THRB: variants seen among roughly 807,000 people sequenced by gnomAD.
THRB encodes thyroid hormone receptor beta, also known as nuclear receptor subfamily 1 group A member 2.
Under a neutral mutation model 47.8 loss-of-function variants are expected in THRB, and 12 were observed. That is an observed-to-expected ratio of 0.25 (90% CI 0.16 to 0.41). The LOEUF is 0.41. Among genes scored for constraint, THRB ranks in the 10% least tolerant of loss-of-function variants. THRB has a pLI of 1.00. For synonymous variants in THRB, 218 were observed against 212.2 expected, an observed-to-expected ratio of 1.03 and a Z score of -0.24; for missense variants, 348 against 589.2, an observed-to-expected ratio of 0.59 and a Z score of 4.24.
intron 1 of THRB, among the ~76,000 whole-genome samples, chr3:24,437,830 C>T (rs2071122137): frequency 6.6e-6 from 1 of 151,820 alleles, no homozygotes; most frequent in Admixed American, 6.6e-5. Context: ...AATGGGTTTT[C>T]CCTTCTCTGA....
intron 3 of THRB, among the ~76,000 whole-genome samples, chr3:24,262,545 T>C (rs6785615): frequency 0.1 from 15,934 of 152,230 alleles, 1,964 homozygotes; most frequent in African/African-American, 0.29. Flanking sequence ...GCTGAACTCC[T>C]TCTGTTCCTC....
rs1432456925 is a variant in THRB at position 24,321,783 on chromosome 3, C to T, written c.-189+15517G>A. 2.6e-5 allele frequency among the ~76,000 whole-genome samples: 4 copies of T among 152,242 alleles called. No homozygotes were observed. The East Asian group carries it at 7.7e-4, about 29-fold the overall frequency. ...TCACTAACCACACATAGCTGCTAGG[C>T]ACTTCATACTTGCCTAGTTCAAATG... On this transcript the variant is annotated intron_variant, in intron 2 of 10. Coordinates refer to ENST00000646209, the MANE Select transcript of THRB (RefSeq NM_001354712.2).
chr3:24,185,454 TC>T (rs1175254583), intron 5 of THRB, among the ~76,000 whole-genome samples: 5 of 152,014 alleles, frequency 3.3e-5, no homozygotes, highest in African/African-American at 1.2e-4. Context: ...AAATTTTTTT[TC>T]TACCATGAAC....
chr3:24,146,244 G>T (rs1211427595), intron 7 of THRB, among the ~76,000 whole-genome samples: 1 of 152,150 alleles, frequency 6.6e-6, no homozygotes, highest in Admixed American at 6.5e-5. Context: ...TCCTGTCTTT[G>T]CTCTTGAAAA....
intron 5 of THRB, among the ~76,000 whole-genome samples, chr3:24,155,508 G>A (rs2037683469): frequency 6.6e-6 from 1 of 152,154 alleles, no homozygotes; most frequent in Non-Finnish European, 1.5e-5. Context: ...TTCCATCAGG[G>A]AATAATGTCC....
chr3:24,433,297 T>G (rs2070632569), intron 1 of THRB, among the ~76,000 whole-genome samples: 1 of 152,170 alleles, frequency 6.6e-6, no homozygotes, highest in Non-Finnish European at 1.5e-5. Flanking sequence ...ATGAGAAGAT[T>G]ATGCTGGATT....
chr3:24,250,398 T>C (rs78444847), intron 3 of THRB, among the ~76,000 whole-genome samples: 25,253 of 151,954 alleles, frequency 0.17, 5,688 homozygotes, highest in African/African-American at 0.51. Flanking sequence ...AGTAACATAG[T>C]ACTGAAATGT....
intron 1 of THRB, among the ~76,000 whole-genome samples, chr3:24,431,974 C>T (rs1273876157): frequency 1.3e-5 from 2 of 151,996 alleles, no homozygotes; most frequent in Non-Finnish European, 2.9e-5. Context: ...GATATACGCA[C>T]ATATGTAGTA....
At chr3:24,146,587 CCTT>C (rs920468719) in intron 7 of THRB, 85 bp downstream of exon 7, 27 of 1,394,562 alleles carry the variant, frequency 1.9e-5, no homozygotes, top group Non-Finnish European at 2.6e-5. Flanking sequence ...TGGGTTCCTG[CCTT>C]CTTTTCTGCC....
At chr3:24,461,231 G>A (rs2073672337) in intron 1 of THRB, among the ~76,000 whole-genome samples, 1 of 152,198 alleles carries the variant, frequency 6.6e-6, no homozygotes, top group African/African-American at 2.4e-5. Context: ...CAAGTCTGTA[G>A]TTTGCCATTT....
intron 6 of THRB, 38 bp downstream of exon 6, chr3:24,152,352 T>C: frequency 1.8e-6 from 2 of 1,123,480 alleles, no homozygotes; most frequent in Non-Finnish European, 1.4e-6. Flanking sequence ...GGACTGGAGC[T>C]GGGCTAAGCT....
At chr3:24,267,354 G>A (rs1218108922) in intron 3 of THRB, among the ~76,000 whole-genome samples, 9 of 150,152 alleles carry the variant, frequency 6.0e-5, no homozygotes, top group African/African-American at 2.2e-4. Context: ...AAGGTATAAT[G>A]TTAGAAACTT....
intron 5 of THRB, among the ~76,000 whole-genome samples, chr3:24,159,486 A>AT (rs2149211686): frequency 6.6e-6 from 1 of 152,370 alleles, no homozygotes; most frequent in South Asian, 2.1e-4. Context: ...ATATATGGTT[A>AT]TGTAGGTTCA....
At chr3:24,386,447 G>T (rs1282929012) in intron 1 of THRB, among the ~76,000 whole-genome samples, 1 of 151,922 alleles carries the variant, frequency 6.6e-6, no homozygotes, top group East Asian at 1.9e-4. Context: ...ACCTTCTATG[G>T]CTCCCCATTT....
intron 1 of THRB, among the ~76,000 whole-genome samples, chr3:24,380,685 C>T (rs1015554744): frequency 1.3e-5 from 2 of 152,130 alleles, no homozygotes; most frequent in African/African-American, 4.8e-5. Context: ...AAGAACTGTA[C>T]AGTACACAAA....
At chr3:24,281,273 G>A (rs2054569074) in intron 3 of THRB, among the ~76,000 whole-genome samples, 2 of 151,792 alleles carry the variant, frequency 1.3e-5, no homozygotes, top group African/African-American at 2.4e-5. Flanking sequence ...AGAGAGTGGG[G>A]GCCAATATTC....
chr3:24,365,666 T>G (rs945027067), intron 1 of THRB, among the ~76,000 whole-genome samples: 1 of 152,186 alleles, frequency 6.6e-6, no homozygotes, highest in Non-Finnish European at 1.5e-5. Context: ...TAATTTGATT[T>G]TCTTAGAAAC....
intron 7 of THRB, 99 bp downstream of exon 7, chr3:24,146,576 T>G: frequency 7.8e-7 from 1 of 1,279,368 alleles, no homozygotes; most frequent in South Asian, 1.2e-5. Context: ...CTCTGTCTTC[T>G]TGGGTTCCTG....
At chr3:24,194,194 AC>A (rs1343299275) in intron 4 of THRB, among the ~76,000 whole-genome samples, 1 of 152,226 alleles carries the variant, frequency 6.6e-6, no homozygotes, top group African/African-American at 2.4e-5. Flanking sequence ...TGGTGGGTGC[AC>A]CAAAATCTCA....
Sources: allele counts gnomAD v4.1 joint callset (sites outside exome capture counted in the v4.1 genomes callset), GRCh38; gene constraint gnomAD v4.1.1; transcripts MANE v1.5; gene names NCBI Gene and HGNC (gene_info 2026-07-23, HGNC 2026-07-21).